The following TTLL5 variants were observed in gnomAD, a reference collection of about 807,000 sequenced individuals.
The protein encoded by TTLL5 is tubulin tyrosine ligase like 5.
In TTLL5, 132 loss-of-function variants were observed where a neutral mutation model predicts 168.4. The ratio of observed to expected loss-of-function variants is 0.78; its 90% confidence interval spans 0.68 to 0.91. TTLL5 has a LOEUF of 0.91. Ranked by LOEUF, TTLL5 falls within the 40% of genes least tolerant of loss-of-function variation. TTLL5 has a pLI of 0.00. For missense variants in TTLL5, 1,545 were observed against 1,581.5 expected, an observed-to-expected ratio of 0.98 and a Z score of 0.39; for synonymous variants, 546 against 558.6, an observed-to-expected ratio of 0.98 and a Z score of 0.32.
intron 20 of TTLL5, among the ~76,000 whole-genome samples, chr14:75,770,383 G>T (rs1274952943): frequency 6.6e-6 from 1 of 152,068 alleles, no homozygotes; most frequent in Non-Finnish European, 1.5e-5. Flanking sequence ...ACACATGGAA[G>T]CTAGACTGGA....
At chr14:75,839,667 A>G (rs942776964) in intron 28 of TTLL5, among the ~76,000 whole-genome samples, 9 of 152,198 alleles carry the variant, frequency 5.9e-5, no homozygotes, top group South Asian at 2.1e-4. Context: ...CCATTATTCA[A>G]TTACCTCCCA....
rs559290024 is a variant in TTLL5 at position 75,792,996 on chromosome 14, C to T, written c.3067C>T (p.Arg1023Trp). 47 of 1,613,388 alleles carry T rather than the reference C, an allele frequency of 2.9e-5. No homozygotes were observed. Among genetic ancestry groups the T allele is most frequent in the Middle Eastern group, 1.7e-4 (1 of 6,056 alleles). Residue 1023 changes from arginine to tryptophan, a missense_variant, in exon 27 of 32, where the codon CGG becomes TGG. Physicochemically the swap from Arg to Trp is moderately radical, Grantham distance 101 (BLOSUM62 -3). Transcript: ENST00000298832. ...EGEDASLYSK[R>W]YNQSMVTAEL... ...AGAAGATGCTTCTTTATATAGCAAA[C>T]GGTACAACCAAAGTATGGTTACAGC... is the stretch of plus-strand genomic sequence containing the variant.
chr14:75,802,396 A>C (rs748404598), intron 27 of TTLL5, among the ~76,000 whole-genome samples: 1 of 152,230 alleles, frequency 6.6e-6, no homozygotes, highest in Non-Finnish European at 1.5e-5. Flanking sequence ...GCAAGGAGTT[A>C]AGAGATATTC....
At chr14:75,887,583 T>C (rs1050419280) in intron 30 of TTLL5, among the ~76,000 whole-genome samples, 1 of 152,202 alleles carries the variant, frequency 6.6e-6, no homozygotes, top group African/African-American at 2.4e-5. Context: ...GGCATAGTTG[T>C]GGGGATATGA....
chr14:75,666,619 G>A (rs1883283417), intron 2 of TTLL5, among the ~76,000 whole-genome samples: 2 of 152,354 alleles, frequency 1.3e-5, no homozygotes, highest in South Asian at 4.1e-4. Flanking sequence ...AGGAGCTGGG[G>A]AAGGCTGCCT....
intron 28 of TTLL5, among the ~76,000 whole-genome samples, chr14:75,822,285 A>G (rs751004498): frequency 3.3e-5 from 5 of 152,156 alleles, no homozygotes; most frequent in African/African-American, 4.8e-5. Context: ...TCTGAGTTTT[A>G]TTACTGGTTT....
At chr14:75,817,762 C>T (rs879326530) in intron 27 of TTLL5, among the ~76,000 whole-genome samples, 2 of 151,454 alleles carry the variant, frequency 1.3e-5, no homozygotes, top group Admixed American at 1.3e-4. Flanking sequence ...TCTTCTCTCT[C>T]TTCAACAGTC....
chr14:75,863,618 T>G (rs2030219643), intron 28 of TTLL5, 49 bp from the exon 29 acceptor site: 2 of 1,514,446 alleles, frequency 1.3e-6, no homozygotes, highest in Non-Finnish European at 1.8e-6. Context: ...TCCTCTAGAT[T>G]GTTCATACAG....
At position 75,954,588 on chromosome 14, in the gene TTLL5, C is replaced by A; in HGVS notation, c.*142C>A. ...CCCCAAAGCCTTCGAGCAGAAGTGG[C>A]AGTAGATGGTTGCCAATCAGCCAAT... On this transcript the variant is annotated 3_prime_UTR_variant, in exon 32 of 32. Coordinates refer to ENST00000298832, the MANE Select transcript of TTLL5 (RefSeq NM_015072.5). The A allele has an allele frequency of 1.2e-6, 1 of 842,396 alleles. No individual in the cohort carries two copies. The highest frequency in any genetic ancestry group is 2.3e-5 in the Admixed American group (1 of 44,364). The allele number at this position is 842,396 out of a possible 1,614,324, so 52.2% of individuals were successfully genotyped here. A position where few individuals can be genotyped will look rare whatever the true frequency, so the allele number is the denominator to read the frequency against.
intron 28 of TTLL5, among the ~76,000 whole-genome samples, chr14:75,842,816 G>T (rs1301986756): frequency 6.6e-6 from 1 of 152,082 alleles, no homozygotes; most frequent in South Asian, 2.1e-4. Flanking sequence ...AAACCCAGCG[G>T]CTTTTCAAAG....
chr14:75,807,601 G>A (rs1893733451), intron 27 of TTLL5, among the ~76,000 whole-genome samples: 3 of 152,162 alleles, frequency 2.0e-5, no homozygotes, highest in African/African-American at 7.2e-5. Flanking sequence ...TGCCAATTAA[G>A]ATGAAGAAAT....
At chr14:75,859,011 G>C (rs908095084) in intron 28 of TTLL5, among the ~76,000 whole-genome samples, 10 of 152,194 alleles carry the variant, frequency 6.6e-5, no homozygotes. Flanking sequence ...ACAGTTGCAA[G>C]CACGATCAAA....
At chr14:75,902,066 A>G in intron 30 of TTLL5, 76 bp from the exon 31 acceptor site, 1 of 1,261,920 alleles carries the variant, frequency 7.9e-7, no homozygotes, top group Non-Finnish European at 1.2e-6. Context: ...AAGAGCAAGA[A>G]GCGAAGCCAT....
chr14:75,914,017 G>GAAAAA (rs1201862659), intron 31 of TTLL5, among the ~76,000 whole-genome samples: 22 of 31,042 alleles, frequency 7.1e-4, no homozygotes, highest in East Asian at 3.0e-3. Context: ...TGTTTAAAAG[G>GAAAAA]AAAAAAAAAA....
At chr14:75,697,612 A>G (rs772648782) in intron 6 of TTLL5, among the ~76,000 whole-genome samples, 14 of 152,184 alleles carry the variant, frequency 9.2e-5, no homozygotes, top group Non-Finnish European at 1.9e-4. Context: ...AAAGGAGACA[A>G]GTAGTTGCTG....
intron 18 of TTLL5, 137 bp downstream of exon 18, chr14:75,753,092 C>A: frequency 1.4e-6 from 1 of 699,432 alleles, no homozygotes; most frequent in Non-Finnish European, 2.3e-6. Flanking sequence ...AGAAAGCATG[C>A]TATCATGACT....
chr14:75,683,505 A>C, intron 4 of TTLL5, 45 bp from the exon 5 acceptor site: 1 of 1,427,798 alleles, frequency 7.0e-7, no homozygotes. Flanking sequence ...GAGAAGGGGT[A>C]TCTCTGATGT....
intron 18 of TTLL5, among the ~76,000 whole-genome samples, chr14:75,761,849 T>G (rs1367746385): frequency 6.6e-6 from 1 of 152,208 alleles, no homozygotes; most frequent in Non-Finnish European, 1.5e-5. Flanking sequence ...CCCAACACAG[T>G]TCTATAAAAC....
At chr14:75,889,999 A>T (rs2032321562) in intron 30 of TTLL5, among the ~76,000 whole-genome samples, 1 of 152,178 alleles carries the variant, frequency 6.6e-6, no homozygotes, top group Non-Finnish European at 1.5e-5. Context: ...CATCATTTTC[A>T]TTACTAAAAT....
Sources: gnomAD v4.1 joint callset for allele counts (sites outside exome capture counted in the v4.1 genomes callset) on GRCh38, gnomAD v4.1.1 for gene constraint, MANE v1.5 for transcripts, NCBI Gene and HGNC (gene_info 2026-07-23, HGNC 2026-07-21) for gene names.